NEO1: variants seen among roughly 807,000 people sequenced by gnomAD.
The protein encoded by NEO1 is neogenin.
A neutral mutation model predicts 159.7 loss-of-function variants in NEO1; 63 were observed. The ratio of observed to expected loss-of-function variants is 0.39; its 90% CI spans 0.32 to 0.49. The LOEUF (loss-of-function observed/expected upper bound fraction) is 0.49. Ranked by LOEUF, NEO1 falls within the 20% of genes least tolerant of loss-of-function variation. The pLI, the probability that NEO1 is intolerant of heterozygous loss-of-function variation, is 0.85. For synonymous variants in NEO1, 633 were observed against 662.0 expected, an observed-to-expected ratio of 0.96 and a Z score of 0.67; for missense variants, 1,615 against 1,831.0, an observed-to-expected ratio of 0.88 and a Z score of 2.15.
chr15:73,102,567 C>T (rs2070461169), intron 1 of NEO1, among the ~76,000 whole-genome samples: 2 of 152,076 alleles, frequency 1.3e-5, no homozygotes, highest in Non-Finnish European at 2.9e-5. Flanking sequence ...GAATGGGGGT[C>T]TCTCTATCTA....
In NEO1 at chr15:73,140,013, G is replaced by A. The variant is rs143795976; in HGVS notation, c.1015+3986G>A. 3.6e-3 allele frequency among the ~76,000 whole-genome samples: 547 copies of A among 152,266 alleles called. 2 individuals carry two copies. The highest frequency in any genetic ancestry group is 0.013 in the African/African-American group (522 of 41,552). ...AAAATGGGCAAAAGACTTGAACATC[G>A]ACCTGGAAGAAGATGTCTAGCTAGC... On this transcript the variant is annotated intron_variant, in intron 5 of 28. Coordinates refer to ENST00000261908, the MANE Select transcript of NEO1 (RefSeq NM_002499.4).
In NEO1 at chr15:73,260,568, C is replaced by A. The variant is rs969947141; in HGVS notation, c.2398+103C>A. On this transcript the variant is annotated intron_variant, in intron 15 of 28. Coordinates refer to ENST00000261908, the MANE Select transcript of NEO1 (RefSeq NM_002499.4). ...TTACAAGAAAATTGCGAAAATAGTA[C>A]AAGTAATTTCTGCATGTTATTCACC... 8 of 998,830 alleles carry A rather than the reference C, an allele frequency of 8.0e-6. No homozygotes were observed. In the African/African-American group the frequency reaches 8.1e-5, roughly 10 times the overall value. 61.9% of individuals were successfully genotyped at this position (998,830 alleles called of 1,614,324 possible). A position where few individuals can be genotyped will look rare whatever the true frequency, so the allele number is the denominator to read the frequency against.
At chr15:73,100,002 G>A (rs1178600838) in intron 1 of NEO1, among the ~76,000 whole-genome samples, 1 of 152,120 alleles carries the variant, frequency 6.6e-6, no homozygotes, top group Non-Finnish European at 1.5e-5. Flanking sequence ...AACTTCAGAT[G>A]TTATTTTACG....
At chr15:73,097,776 C>CTTTTTTTTTTTTTTTTTTT (rs34165169) in intron 1 of NEO1, among the ~76,000 whole-genome samples, 43 of 75,544 alleles carry the variant, frequency 5.7e-4, no homozygotes, top group African/African-American at 1.7e-3. Context: ...TGGAACTAGC[C>CTTTTTTTTTTTTTTTTTTT]TTTTTTTTTT....
intron 1 of NEO1, among the ~76,000 whole-genome samples, chr15:73,096,048 G>A (rs1389302484): frequency 1.3e-5 from 2 of 152,130 alleles, no homozygotes; most frequent in East Asian, 1.9e-4. Flanking sequence ...TGGGGACAGT[G>A]CCCCCAAAGA....
intron 7 of NEO1, among the ~76,000 whole-genome samples, chr15:73,206,407 A>G (rs1459364238): frequency 6.6e-6 from 1 of 152,046 alleles, no homozygotes; most frequent in East Asian, 1.9e-4. Context: ...TTATCCCTAT[A>G]TTAGGTTGTT....
At chr15:73,266,223 A>T in intron 15 of NEO1, 93 bp from the exon 16 acceptor site, 1 of 914,816 alleles carries the variant, frequency 1.1e-6, no homozygotes, top group Non-Finnish European at 1.6e-6. Context: ...GTCTTTCTTG[A>T]ATTCTTCTGT....
chr15:73,125,451 G>A (rs945552206), intron 3 of NEO1, among the ~76,000 whole-genome samples: 2 of 152,186 alleles, frequency 1.3e-5, no homozygotes, highest in South Asian at 2.1e-4. Flanking sequence ...GTCACTAATC[G>A]ATTAGGCAAT....
Position 73,175,962 on chromosome 15 carries a change from C to T in NEO1, c.1016-441C>T, listed in dbSNP as rs542347785. Among the ~76,000 whole-genome samples, 32 of 152,120 alleles carry T rather than the reference C, an allele frequency of 2.1e-4. 1 individual carries two copies. The highest frequency in any genetic ancestry group is 7.7e-4 in the African/African-American group (32 of 41,530). On this transcript the variant is annotated intron_variant, in intron 5 of 28. Transcript: ENST00000261908. ...GAGCTGTTTAAGGACTCTAATGTGA[C>T]GTTTATTTTACTTTGTTGTTGTTGT...
Position 73,302,697 on chromosome 15 carries a change from C to T in NEO1, c.*1C>T, listed in dbSNP as rs777620546. On this transcript the variant is annotated 3_prime_UTR_variant, in exon 29 of 29. Transcript: ENST00000261908. ...CCTAAACGCTATCACAACAGCATGACGACCTTCACCAGGACCTGACTTCAA... is the reference window on the plus strand; with the variant it reads ...CCTAAACGCTATCACAACAGCATGATGACCTTCACCAGGACCTGACTTCAA... 1.7e-5 allele frequency: 28 copies of T among 1,613,342 alleles called. No homozygotes were observed. In the South Asian group the frequency reaches 2.0e-4, roughly 11 times the overall value.
intron 27 of NEO1, among the ~76,000 whole-genome samples, chr15:73,300,660 G>T (rs1456740284): frequency 1.3e-5 from 2 of 152,212 alleles, no homozygotes; most frequent in Non-Finnish European, 2.9e-5. Context: ...GAACCCGGGA[G>T]GTGGAGGTTG....
intron 4 of NEO1, among the ~76,000 whole-genome samples, chr15:73,127,558 A>AGATG (rs1251900906): frequency 6.6e-6 from 1 of 152,208 alleles, no homozygotes; most frequent in Non-Finnish European, 1.5e-5. Context: ...GGATACTGTG[A>AGATG]GATGGTCCTT....
At chr15:73,283,472 C>T (rs930408596) in intron 23 of NEO1, among the ~76,000 whole-genome samples, 1 of 152,318 alleles carries the variant, frequency 6.6e-6, no homozygotes, top group Non-Finnish European at 1.5e-5. Context: ...GAGAGGGCTT[C>T]CTGACAAAAG....
At chr15:73,172,054 T>A (rs1372441394) in intron 5 of NEO1, among the ~76,000 whole-genome samples, 1 of 151,926 alleles carries the variant, frequency 6.6e-6, no homozygotes, top group East Asian at 1.9e-4. Flanking sequence ...ATACGTGGAG[T>A]TTGCTTTCAA....
At chr15:73,055,180 A>G (rs1453840452) in intron 1 of NEO1, among the ~76,000 whole-genome samples, 1 of 152,212 alleles carries the variant, frequency 6.6e-6, no homozygotes, top group Admixed American at 6.5e-5. Flanking sequence ...CTGAAAAGAT[A>G]TGTAGAGACC....
intron 1 of NEO1, among the ~76,000 whole-genome samples, chr15:73,054,207 C>CAAAAGAAAGAA (rs1567087669): frequency 6.6e-6 from 1 of 152,074 alleles, no homozygotes; most frequent in African/African-American, 2.4e-5. Context: ...AAACAAGTTC[C>CAAAAGAAAGAA]TGTTACTCAT....
intron 1 of NEO1, among the ~76,000 whole-genome samples, chr15:73,085,341 A>G (rs749246156): frequency 2.6e-5 from 4 of 152,306 alleles, no homozygotes; most frequent in Middle Eastern, 6.8e-3. Flanking sequence ...ATTCCATTGT[A>G]TGAATGTACC....
intron 7 of NEO1, among the ~76,000 whole-genome samples, chr15:73,221,017 TC>T (rs2038222410): frequency 6.6e-6 from 1 of 152,212 alleles, no homozygotes; most frequent in Non-Finnish European, 1.5e-5. Context: ...TTTTAGAGTT[TC>T]CAGTTTTTCT....
intron 23 of NEO1, among the ~76,000 whole-genome samples, chr15:73,283,717 A>T (rs962312964): frequency 2.0e-5 from 3 of 152,190 alleles, no homozygotes; most frequent in Non-Finnish European, 4.4e-5. Flanking sequence ...AGTGTCTGGC[A>T]TTGCTGGTCA....
Sources: gnomAD v4.1 joint callset for allele counts (sites outside exome capture counted in the v4.1 genomes callset) on GRCh38, gnomAD v4.1.1 for gene constraint, MANE v1.5 for transcripts, NCBI Gene and HGNC (gene_info 2026-07-23, HGNC 2026-07-21) for gene names.